Variants in YJU2 observed in about 807,000 individuals in gnomAD.
The protein encoded by YJU2 is splicing factor YJU2.
A neutral mutation model predicts 39.6 loss-of-function variants in YJU2; 28 were observed. That is an observed-to-expected ratio of 0.71 (90% CI 0.52 to 0.97). The LOEUF is 0.97. YJU2 is among the 50% of genes least tolerant of loss of function. YJU2 has a pLI of 0.00. For synonymous variants in YJU2, 184 were observed against 182.4 expected (o/e 1.01, Z -0.07); for missense variants, 328 against 430.4 (o/e 0.76, Z 2.11).
intron 4 of YJU2, among the ~76,000 whole-genome samples, chr19:4,255,489 G>A (rs1028304437): frequency 6.6e-6 from 1 of 152,014 alleles, no homozygotes; most frequent in Non-Finnish European, 1.5e-5. Flanking sequence ...CAGCACTTTG[G>A]GAGGCCAAGG....
chr19:4,259,006 C>T (rs1392388473), intron 5 of YJU2, among the ~76,000 whole-genome samples: 1 of 151,602 alleles, frequency 6.6e-6, no homozygotes, highest in South Asian at 2.1e-4. Context: ...GGACACCCAC[C>T]AAGGGACGCC....
Position 4,258,362 on chromosome 19 carries a change from C to CACCGCCTGTCG in YJU2, c.527_537dup (p.Glu180ThrfsTer91), listed in dbSNP as rs1971040088. ...GGACTTCGAGGCTATGCTGAGGCAG[C>CACCGCCTGTCG]ACCGCCTGTCGGAGGAGGAGCGGCG... On this transcript the variant is annotated frameshift_variant, in exon 5 of 8. Transcript: ENST00000262962. LOFTEE classifies it high-confidence loss of function. 1.3e-6 allele frequency: 2 copies of CACCGCCTGTCG among 1,596,158 alleles called. No individual in the cohort carries two copies. The highest frequency in any genetic ancestry group is 2.7e-5 in the African/African-American group (2 of 74,948).
At chr19:4,257,670 C>T (rs951425100) in intron 4 of YJU2, among the ~76,000 whole-genome samples, 21 of 152,196 alleles carry the variant, frequency 1.4e-4, no homozygotes, top group Non-Finnish European at 1.2e-4. Flanking sequence ...GATGGGGTTT[C>T]GTCATGTTGG....
Position 4,268,928 on chromosome 19 carries a change from C to T in YJU2, c.*232C>T, listed in dbSNP as rs1971140801. ...TCGGGGACCCCTGCTGCTCCTGCCCCCACCTGTCACTGTGCTTAGGGCTGC... is the reference window on the plus strand; with the variant it reads ...TCGGGGACCCCTGCTGCTCCTGCCCTCACCTGTCACTGTGCTTAGGGCTGC... On this transcript the variant is annotated 3_prime_UTR_variant, in exon 8 of 8. Coordinates refer to ENST00000262962, the MANE Select transcript of YJU2 (RefSeq NM_018074.6). 1.8e-6 allele frequency: 1 copy of T among 552,776 alleles called. No homozygotes were observed. The highest frequency in any genetic ancestry group is 1.9e-5 in the African/African-American group (1 of 52,772). The allele number at this position is 552,776 out of a possible 1,614,324, so 34.2% of individuals were successfully genotyped here. A position where few individuals can be genotyped will look rare whatever the true frequency, so the allele number is the denominator to read the frequency against.
rs771427564 is a variant in YJU2 at position 4,268,697 on chromosome 19, G to T, written c.*1G>T. On this transcript the variant is annotated 3_prime_UTR_variant, in exon 8 of 8. Transcript: ENST00000262962. ...TGACGACAGCAACGGCAGCAACTGA[G>T]CCCTCCCAGGACCCCCTCACGGGGT... The T allele has an allele frequency of 2.7e-5, 43 of 1,608,188 alleles. No homozygotes were observed. The highest frequency in any genetic ancestry group is 3.2e-5 in the Non-Finnish European group (38 of 1,175,514).
At chr19:4,255,428 T>TA (rs1418026756) in intron 4 of YJU2, among the ~76,000 whole-genome samples, 1 of 151,106 alleles carries the variant, frequency 6.6e-6, no homozygotes, top group Non-Finnish European at 1.5e-5. Flanking sequence ...TATAAAACAT[T>TA]AAAAAATTAG....
intron 4 of YJU2, among the ~76,000 whole-genome samples, chr19:4,257,785 T>G (rs903637874): frequency 5.3e-5 from 8 of 152,126 alleles, no homozygotes; most frequent in African/African-American, 1.4e-4. Flanking sequence ...GTATTTTTAG[T>G]AGAGACAGGG....
Position 4,258,252 on chromosome 19 carries a change from A to AC in YJU2, c.418dup (p.Arg140ProfsTer77). ...CCCCGCGCCCGCCAGGTGCTGGAGAACCGGACCAAGGACTCCAAGCTGGAG... is the reference window on the plus strand; with the variant it reads ...CCCCGCGCCCGCCAGGTGCTGGAGAACCCGGACCAAGGACTCCAAGCTGGAG... On this transcript the variant is annotated frameshift_variant, in exon 5 of 8. Coordinates refer to ENST00000262962, the MANE Select transcript of YJU2 (RefSeq NM_018074.6). LOFTEE classifies it high-confidence loss of function. The AC allele has an allele frequency of 6.4e-7, 1 of 1,552,930 alleles. No homozygotes were observed. The highest frequency in any genetic ancestry group is 8.7e-7 in the Non-Finnish European group (1 of 1,147,702).
chr19:4,254,439 A>G lies in YJU2; in HGVS notation c.355A>G (p.Lys119Glu). ...QAEKLLEEEE[K>E]RVQKEREDEE... ...TGAGAAGCTCCTGGAGGAGGAGGAG[A>G]AGAGGGTGCAGAAGGAGCGGGAGGA... Residue 119 changes from lysine to glutamate, a missense_variant, in exon 4 of 8, where the codon AAG becomes GAG. This residue lies in a region of YJU2 where 84 missense variants were observed against 165.8 expected (regional missense o/e 0.51). Transcript: ENST00000262962. The G allele has an allele frequency of 6.2e-7, 1 of 1,613,020 alleles. No homozygotes were observed. Among genetic ancestry groups the G allele is most frequent in the Non-Finnish European group, 8.5e-7 (1 of 1,179,560 alleles).
At chr19:4,267,233 C>T (rs986853828) in intron 6 of YJU2, among the ~76,000 whole-genome samples, 8 of 152,042 alleles carry the variant, frequency 5.3e-5, no homozygotes. Flanking sequence ...GACATGCAGC[C>T]TGCATGTGAG....
Position 4,268,633 on chromosome 19 carries a change from C to T in YJU2, c.909C>T (p.Gly303=), listed in dbSNP as rs767728648. ...KEANPTPLTP[G]ASSLSQLGAY... Reference sequence around the variant, plus strand: ...CCAACCCTACACCCCTGACGCCTGGCGCGTCCTCCCTGAGCCAACTGGGTG... The same window carrying T: ...CCAACCCTACACCCCTGACGCCTGGTGCGTCCTCCCTGAGCCAACTGGGTG... The change falls in exon 8 of 8, where the codon GGC becomes GGT. Residue 303 remains glycine, a synonymous_variant. Coordinates refer to ENST00000262962, the MANE Select transcript of YJU2 (RefSeq NM_018074.6). 11 of 1,613,822 alleles carry T rather than the reference C, an allele frequency of 6.8e-6. No homozygotes were observed. The highest frequency in any genetic ancestry group is 1.7e-4 in the Middle Eastern group (1 of 6,060).
chr19:4,263,090 A>C (rs1045943125), intron 6 of YJU2, among the ~76,000 whole-genome samples: 16 of 151,826 alleles, frequency 1.1e-4, no homozygotes, highest in East Asian at 3.9e-4. Context: ...AAAAAAAAAA[A>C]AACTTAATTT....
Position 4,262,072 on chromosome 19 carries a change from G to GT in YJU2, c.666_667insT (p.Gln223SerfsTer14). On this transcript the variant is annotated frameshift_variant, in exon 6 of 8. Transcript: ENST00000262962. LOFTEE classifies it high-confidence loss of function. Reference sequence around the variant, plus strand: ...AGGATGAGGCTGCTCCCTCGCCCCTGCAGCCAGCCCTTCGGCCCAACCCCA... The same window carrying GT: ...AGGATGAGGCTGCTCCCTCGCCCCTGTCAGCCAGCCCTTCGGCCCAACCCCA... 6.2e-7 allele frequency: 1 copy of GT among 1,612,258 alleles called. No individual in the cohort carries two copies. Among genetic ancestry groups the GT allele is most frequent in the Non-Finnish European group, 8.5e-7 (1 of 1,179,976 alleles).
chr19:4,249,111 G>A (rs1050910676), intron 1 of YJU2, 117 bp from the exon 2 acceptor site: 14 of 646,364 alleles, frequency 2.2e-5, no homozygotes, highest in Non-Finnish European at 3.3e-5. Flanking sequence ...TGCCTGTCGC[G>A]GAACCTGGGG....
At chr19:4,268,348 G>A (rs1188289340) in intron 7 of YJU2, among the ~76,000 whole-genome samples, 6 of 152,238 alleles carry the variant, frequency 3.9e-5, no homozygotes, top group African/African-American at 7.2e-5. Flanking sequence ...GGCAGCGCAC[G>A]TTGCCTGCCT....
rs137949711 is a variant in YJU2, at chr19:4,257,334, C to T, written c.406-908C>T. The stretch of plus-strand genomic sequence containing the variant: ...TTTGAGATAGAGTCTCGCTCTGTCA[C>T]CCAAGCTGGAATGCATTGGCACGAT... On this transcript the variant is annotated intron_variant, in intron 4 of 7. Transcript: ENST00000262962. 2.0e-3 allele frequency among the ~76,000 whole-genome samples: 299 copies of T among 152,266 alleles called. 1 individual carries two copies. Among genetic ancestry groups the T allele is most frequent in the African/African-American group, 6.8e-3 (282 of 41,548 alleles).
chr19:4,258,980 C>T (rs1971047600), intron 5 of YJU2, among the ~76,000 whole-genome samples: 1 of 152,068 alleles, frequency 6.6e-6, no homozygotes, highest in Non-Finnish European at 1.5e-5. Flanking sequence ...GTGGGAGGCC[C>T]CCAGCACAGG....
chr19:4,254,574 G>C, intron 4 of YJU2, 85 bp downstream of exon 4: 1 of 1,446,392 alleles, frequency 6.9e-7, no homozygotes, highest in Non-Finnish European at 9.1e-7. Flanking sequence ...TCCTGCCTCA[G>C]GTCCCCAAGG....
intron 5 of YJU2, among the ~76,000 whole-genome samples, 197 bp downstream of exon 5, chr19:4,258,620 C>T (rs1309710840): frequency 3.3e-5 from 5 of 152,372 alleles, no homozygotes; most frequent in East Asian, 1.9e-4. Context: ...TGACTTAGCA[C>T]GTGGTCGCCC....
Sources: gnomAD v4.1 joint callset for allele counts (sites outside exome capture counted in the v4.1 genomes callset) on GRCh38, gnomAD v4.1.1 for gene constraint, gnomAD v4.1.1 regional missense constraint, MANE v1.5 for transcripts, NCBI Gene and HGNC (gene_info 2026-07-23, HGNC 2026-07-21) for gene names.